Variants in ABLIM1 observed in about 807,000 individuals in gnomAD.
The protein encoded by ABLIM1 is actin-binding LIM protein 1.
In ABLIM1, 40 loss-of-function variants were observed where a neutral mutation model predicts 107.0. That is an observed-to-expected ratio of 0.37 (90% CI 0.29 to 0.49). ABLIM1 has a LOEUF of 0.49. ABLIM1 is among the 20% of genes least tolerant of loss of function. The probability of loss-of-function intolerance (pLI) is 0.97; values close to 1 mark genes in which losing one functional copy is unlikely to be tolerated. For missense variants in ABLIM1, 857 were observed against 1,008.5 expected, an observed-to-expected ratio of 0.85 and a Z score of 2.04; for synonymous variants, 357 against 357.3, an observed-to-expected ratio of 1.00 and a Z score of 0.01.
intron 8 of ABLIM1, among the ~76,000 whole-genome samples, chr10:114,486,144 G>T (rs2058159699): frequency 6.6e-6 from 1 of 152,132 alleles, no homozygotes; most frequent in Non-Finnish European, 1.5e-5. Flanking sequence ...TTCACTAGTT[G>T]TTTTCATAAG....
chr10:114,511,019 T>G (rs1349459095), intron 6 of ABLIM1, among the ~76,000 whole-genome samples: 1 of 152,046 alleles, frequency 6.6e-6, no homozygotes, highest in African/African-American at 2.4e-5. Context: ...ATTTATTTAT[T>G]CTGTTAAGGT....
At chr10:114,732,160 TTTTTC>T (rs201796914) in intron 1 of ABLIM1, among the ~76,000 whole-genome samples, 38 of 149,600 alleles carry the variant, frequency 2.5e-4, no homozygotes, top group Admixed American at 1.1e-3. Flanking sequence ...TTGATTTGCA[TTTTTC>T]TTTTCTTTTC....
At chr10:114,436,620 G>A (rs556989703) in intron 22 of ABLIM1, among the ~76,000 whole-genome samples, 6 of 152,270 alleles carry the variant, frequency 3.9e-5, no homozygotes, top group Non-Finnish European at 1.5e-5. Context: ...ACACTGACTG[G>A]TGATGGGACA....
chr10:114,754,854 T>C (rs1381386489), intron 1 of ABLIM1, among the ~76,000 whole-genome samples: 1 of 152,212 alleles, frequency 6.6e-6, no homozygotes, highest in African/African-American at 2.4e-5. Context: ...TCCTCCTTTC[T>C]GGCAGGCAGT....
At chr10:114,618,138 G>C (rs566695677) in intron 1 of ABLIM1, among the ~76,000 whole-genome samples, 69 of 152,152 alleles carry the variant, frequency 4.5e-4, no homozygotes, top group Middle Eastern at 3.4e-3. Flanking sequence ...GTGAAGATTC[G>C]GCTCTTACCA....
chr10:114,670,885 C>T (rs532718371), intron 1 of ABLIM1, among the ~76,000 whole-genome samples: 2 of 152,266 alleles, frequency 1.3e-5, no homozygotes, highest in African/African-American at 4.8e-5. Flanking sequence ...AACTTTCCCC[C>T]ATTTATTCAA....
chr10:114,498,721 C>A (rs182627335), intron 6 of ABLIM1, among the ~76,000 whole-genome samples: 1 of 152,294 alleles, frequency 6.6e-6, no homozygotes, highest in Non-Finnish European at 1.5e-5. Flanking sequence ...AACAATTGAT[C>A]AAGAACCTTA....
chr10:114,499,114 C>T (rs1291412852), intron 6 of ABLIM1, among the ~76,000 whole-genome samples: 3 of 152,212 alleles, frequency 2.0e-5, no homozygotes, highest in South Asian at 2.1e-4. Flanking sequence ...AAGGTCCACA[C>T]GTTAACCCTG....
intron 1 of ABLIM1, among the ~76,000 whole-genome samples, chr10:114,751,556 C>A (rs1383365444): frequency 1.3e-5 from 2 of 151,822 alleles, no homozygotes; most frequent in Non-Finnish European, 2.9e-5. Context: ...TTGAGACCAT[C>A]CTGGCCAACA....
chr10:114,569,408 CT>C (rs2071314225), intron 4 of ABLIM1, among the ~76,000 whole-genome samples: 2 of 151,936 alleles, frequency 1.3e-5, no homozygotes, highest in Admixed American at 6.6e-5. Context: ...CAACCTCTGC[CT>C]TCCGGTTTCA....
chr10:114,513,787 C>T (rs2062317496), intron 6 of ABLIM1, among the ~76,000 whole-genome samples: 1 of 152,146 alleles, frequency 6.6e-6, no homozygotes. Flanking sequence ...GGTGTCGATG[C>T]CAACACTACC....
At chr10:114,789,642 T>C in the ABLIM1 span, among the ~76,000 whole-genome samples, 1 of 152,232 alleles carries the variant, frequency 6.6e-6, no homozygotes, top group Non-Finnish European at 1.5e-5. Flanking sequence ...CGGTATCTCA[T>C]TGTAGTTTTG....
chr10:114,507,864 C>T (rs1275912251), intron 6 of ABLIM1, among the ~76,000 whole-genome samples: 2 of 152,154 alleles, frequency 1.3e-5, no homozygotes, highest in Admixed American at 6.5e-5. Flanking sequence ...TCTGTGTTGT[C>T]CCTCAAGGCA....
chr10:114,713,804 AAAC>A (rs2081603749), intron 1 of ABLIM1, among the ~76,000 whole-genome samples: 1 of 152,246 alleles, frequency 6.6e-6, no homozygotes, highest in South Asian at 2.1e-4. Flanking sequence ...CTCTAAATGC[AAAC>A]AATAGTAAGA....
chr10:114,437,792 G>A, intron 22 of ABLIM1, 52 bp downstream of exon 22: 5 of 1,448,332 alleles, frequency 3.5e-6, no homozygotes, highest in Non-Finnish European at 4.8e-6. Context: ...GGAGAGTTGG[G>A]GGAGTGCATA....
At chr10:114,634,407 C>T (rs1030361422) in intron 1 of ABLIM1, among the ~76,000 whole-genome samples, 13 of 152,094 alleles carry the variant, frequency 8.5e-5, no homozygotes, top group African/African-American at 2.9e-4. Flanking sequence ...GCTGGGATTA[C>T]AGGCGTGAGC....
chr10:114,482,671 A>C (rs991663652), intron 8 of ABLIM1, among the ~76,000 whole-genome samples: 12 of 152,172 alleles, frequency 7.9e-5, no homozygotes, highest in African/African-American at 2.9e-4. Context: ...GATGGAGCTA[A>C]AGTTGACTTC....
At chr10:114,704,167 G>T (rs1169240633) in intron 1 of ABLIM1, among the ~76,000 whole-genome samples, 4 of 151,322 alleles carry the variant, frequency 2.6e-5, no homozygotes, top group Non-Finnish European at 5.9e-5. Flanking sequence ...AAATTCAGCT[G>T]GCCACCTGCC....
intron 6 of ABLIM1, among the ~76,000 whole-genome samples, chr10:114,499,349 T>C (rs1267014406): frequency 2.6e-5 from 4 of 152,238 alleles, no homozygotes; most frequent in African/African-American, 9.6e-5. Flanking sequence ...TGTGTAGTTT[T>C]GTTTCTTGTT....
Sources: gnomAD v4.1 joint callset for allele counts (sites outside exome capture counted in the v4.1 genomes callset) on GRCh38, gnomAD v4.1.1 for gene constraint, MANE v1.5 for transcripts, NCBI Gene and HGNC (gene_info 2026-07-23, HGNC 2026-07-21) for gene names.